The following RARB variants were observed in gnomAD, a reference collection of about 807,000 sequenced individuals.
RARB encodes the protein HBV-activated protein.
Under a neutral mutation model 51.9 loss-of-function variants are expected in RARB, and 17 were observed. That is an observed-to-expected ratio of 0.33 (90% CI 0.22 to 0.49). The LOEUF (loss-of-function observed/expected upper bound fraction) is 0.49, where lower values mean the gene tolerates loss of function less well. RARB is among the 20% of genes least tolerant of loss of function. RARB has a pLI of 0.99. For missense variants in RARB, 369 were observed against 550.8 expected (o/e 0.67, Z 3.30); for synonymous variants, 215 against 195.4 (o/e 1.10, Z -0.84).
chr3:24,871,551 A>G (rs79073337), intron 2 of RARB, among the ~76,000 whole-genome samples: 2 of 152,132 alleles, frequency 1.3e-5, no homozygotes, highest in East Asian at 1.9e-4. Flanking sequence ...CAGTTCTTGG[A>G]CTTTACTCAT....
At chr3:25,592,136 C>CTACT (rs1460849682) in intron 5 of RARB, among the ~76,000 whole-genome samples, 3 of 152,186 alleles carry the variant, frequency 2.0e-5, no homozygotes, top group African/African-American at 7.2e-5. Context: ...GAGGGCTTTA[C>CTACT]TACTCCTCCT....
intron 2 of RARB, among the ~76,000 whole-genome samples, chr3:25,042,401 A>G (rs1366162978): frequency 6.6e-6 from 1 of 152,194 alleles, no homozygotes; most frequent in Non-Finnish European, 1.5e-5. Flanking sequence ...AAAATGTTCC[A>G]GAATGCTCTA....
At chr3:25,052,887 GAA>G (rs140262560) in intron 2 of RARB, among the ~76,000 whole-genome samples, 10 of 141,590 alleles carry the variant, frequency 7.1e-5, no homozygotes, top group African/African-American at 2.3e-4. Context: ...AAAAGTCATA[GAA>G]AAAAAAAAAA....
intron 2 of RARB, among the ~76,000 whole-genome samples, chr3:24,951,451 T>C (rs755148289): frequency 2.0e-5 from 3 of 152,190 alleles, no homozygotes; most frequent in African/African-American, 7.2e-5. Context: ...AGTGTTGTAA[T>C]CCTGAGAGTG....
intron 3 of RARB, among the ~76,000 whole-genome samples, chr3:25,123,646 C>A (rs1223456626): frequency 6.6e-6 from 1 of 152,172 alleles, no homozygotes; most frequent in South Asian, 2.1e-4. Context: ...CTAAAAACTT[C>A]TTGTTTAAGC....
chr3:25,464,120 T>C (rs1400104950), intron 2 of RARB, among the ~76,000 whole-genome samples: 2 of 152,218 alleles, frequency 1.3e-5, no homozygotes, highest in Admixed American at 6.5e-5. Flanking sequence ...GAAAAGATAC[T>C]TCTTTATTTC....
intron 5 of RARB, among the ~76,000 whole-genome samples, chr3:25,388,732 G>T (rs1471497445): frequency 6.6e-6 from 1 of 152,204 alleles, no homozygotes. Flanking sequence ...AGGGAAGCCT[G>T]CTGACAAAAG....
intron 5 of RARB, among the ~76,000 whole-genome samples, chr3:25,397,756 G>C (rs1298761434): frequency 6.6e-6 from 1 of 151,748 alleles, no homozygotes; most frequent in Admixed American, 6.6e-5. Flanking sequence ...AAAATTCTTT[G>C]TACAAATTCA....
intron 2 of RARB, among the ~76,000 whole-genome samples, chr3:24,914,357 A>T (rs1362027422): frequency 6.6e-6 from 1 of 152,066 alleles, no homozygotes; most frequent in Non-Finnish European, 1.5e-5. Context: ...AAAGGTGGGG[A>T]TTGCTGCAGG....
intron 5 of RARB, among the ~76,000 whole-genome samples, chr3:25,210,758 C>G (rs1701677106): frequency 6.6e-6 from 1 of 151,776 alleles, no homozygotes; most frequent in Non-Finnish European, 1.5e-5. Context: ...TGGTCTCGAA[C>G]TCCTGACCTC....
At chr3:25,414,225 A>G (rs1707642274) in intron 5 of RARB, among the ~76,000 whole-genome samples, 2 of 152,222 alleles carry the variant, frequency 1.3e-5, no homozygotes, top group African/African-American at 4.8e-5. Flanking sequence ...TATGAGATTC[A>G]TTTATGCTGT....
At chr3:25,211,718 G>A (rs1362172629) in intron 5 of RARB, among the ~76,000 whole-genome samples, 1 of 152,120 alleles carries the variant, frequency 6.6e-6, no homozygotes, top group East Asian at 1.9e-4. Context: ...GTGGTCTTTT[G>A]TAACTCTGCT....
intron 2 of RARB, among the ~76,000 whole-genome samples, chr3:25,004,751 A>T (rs1697233922): frequency 6.6e-6 from 1 of 152,112 alleles, no homozygotes; most frequent in Non-Finnish European, 1.5e-5. Flanking sequence ...AAATTTTGAG[A>T]TGGTAAATGA....
intron 5 of RARB, among the ~76,000 whole-genome samples, chr3:25,302,774 G>A (rs921963103): frequency 3.3e-5 from 5 of 152,176 alleles, no homozygotes; most frequent in African/African-American, 9.7e-5. Context: ...TGTATCTCAA[G>A]CCATTTTTTA....
intron 3 of RARB, among the ~76,000 whole-genome samples, chr3:25,103,494 A>C (rs1037470549): frequency 6.6e-6 from 1 of 152,228 alleles, no homozygotes; most frequent in Non-Finnish European, 1.5e-5. Flanking sequence ...TCACTGCCTG[A>C]ACTCCTGCCA....
chr3:24,953,956 T>C (rs919824499), intron 2 of RARB, among the ~76,000 whole-genome samples: 1 of 152,156 alleles, frequency 6.6e-6, no homozygotes, highest in Non-Finnish European at 1.5e-5. Flanking sequence ...CTTTGTTTGT[T>C]CTTACTTTCT....
At position 25,304,194 on chromosome 3, in the gene RARB, C is replaced by T. The variant is rs191547994; in HGVS notation, c.178+129619C>T. The stretch of plus-strand genomic sequence containing the variant: ...TGTCTGGCAGATAGTCAAGGCCTTC[C>T]GAATCCCAGCTGTACTGGGCTCCTC... On this transcript the variant is annotated intron_variant, in intron 5 of 11. Transcript: ENST00000383772. Among the ~76,000 whole-genome samples the T allele has an allele frequency of 1.8e-3, 279 of 152,310 alleles. 1 individual carries two copies. The highest frequency in any genetic ancestry group is 5.9e-3 in the African/African-American group (246 of 41,572).
At chr3:25,518,325 G>A (rs1177670231) in intron 3 of RARB, among the ~76,000 whole-genome samples, 5 of 152,064 alleles carry the variant, frequency 3.3e-5, no homozygotes, top group African/African-American at 1.2e-4. Flanking sequence ...AAGACTCTCG[G>A]TGTCCACAAG....
chr3:24,870,621 GC>G (rs766863864), intron 2 of RARB, among the ~76,000 whole-genome samples: 3 of 152,054 alleles, frequency 2.0e-5, no homozygotes, highest in South Asian at 4.2e-4. Context: ...TTTGATTGTA[GC>G]ATTTTGGGGA....
Sources: gnomAD v4.1 joint callset for allele counts (sites outside exome capture counted in the v4.1 genomes callset) on GRCh38, gnomAD v4.1.1 for gene constraint, MANE v1.5 for transcripts, NCBI Gene and HGNC (gene_info 2026-07-23, HGNC 2026-07-21) for gene names.